CHD1: variants seen among roughly 807,000 people sequenced by gnomAD.
CHD1 encodes the protein chromodomain helicase DNA binding protein 1, also known as ATP-dependent chromatin remodeler CHD1.
Under a neutral mutation model 224.2 loss-of-function variants are expected in CHD1, and 36 were observed. That is an observed-to-expected ratio of 0.16 (90% CI 0.12 to 0.21). The LOEUF (loss-of-function observed/expected upper bound fraction) is 0.21. Ranked by LOEUF, CHD1 falls within the 10% of genes least tolerant of loss-of-function variation. CHD1 has a pLI of 1.00. For missense variants in CHD1, 1,378 were observed against 1,994.8 expected, an observed-to-expected ratio of 0.69 and a Z score of 5.89; for synonymous variants, 668 against 658.3, an observed-to-expected ratio of 1.01 and a Z score of -0.23.
chr5:98,861,702 C>T (rs904682595), intron 32 of CHD1, among the ~76,000 whole-genome samples: 1 of 150,472 alleles, frequency 6.6e-6, no homozygotes, highest in African/African-American at 2.5e-5. Context: ...TAGTAGACCA[C>T]CGTCTTAGCC....
chr5:98,887,662 A>C (rs1561512589), intron 17 of CHD1, among the ~76,000 whole-genome samples: 1 of 152,146 alleles, frequency 6.6e-6, no homozygotes, highest in Admixed American at 6.6e-5. Context: ...TTACTCAACA[A>C]ACCCTGTGTC....
intron 18 of CHD1, 47 bp downstream of exon 18, chr5:98,885,531 G>T: frequency 1.8e-6 from 2 of 1,117,434 alleles, no homozygotes; most frequent in South Asian, 1.4e-5. Flanking sequence ...GTAATATACT[G>T]ATACTAAATC....
At chr5:98,896,146 C>A (rs527533432) in intron 12 of CHD1, 80 bp downstream of exon 12, 3 of 1,212,462 alleles carry the variant, frequency 2.5e-6, no homozygotes, top group Non-Finnish European at 3.6e-6. Context: ...CAGAGTGAAA[C>A]CCCATCTCAA....
intron 30 of CHD1, chr5:98,869,113 TTTTTC>T (rs1749123584): frequency 4.3e-6 from 4 of 932,086 alleles, no homozygotes; most frequent in Non-Finnish European, 5.1e-6. Flanking sequence ...TCTTATCCTC[TTTTTC>T]TTTTATCTCC....
chr5:98,866,960 A>G (rs1748919046), intron 31 of CHD1, among the ~76,000 whole-genome samples: 1 of 152,140 alleles, frequency 6.6e-6, no homozygotes, highest in Non-Finnish European at 1.5e-5. Context: ...AACATCTACA[A>G]CAATCACTTA....
chr5:98,901,420 AC>A, intron 5 of CHD1, 85 bp from the exon 6 acceptor site: 1 of 1,070,736 alleles, frequency 9.3e-7, no homozygotes, highest in Non-Finnish European at 1.3e-6. Flanking sequence ...AATCAACCAA[AC>A]TATATTCGCT....
intron 23 of CHD1, among the ~76,000 whole-genome samples, chr5:98,876,893 TGCA>T (rs1246842072): frequency 1.3e-5 from 2 of 152,164 alleles, no homozygotes; most frequent in Non-Finnish European, 2.9e-5. Context: ...TGTGGCTGAG[TGCA>T]GCAGCTCATG....
At chr5:98,926,630 G>A (rs937253816) in intron 1 of CHD1, 96 bp from the exon 2 acceptor site, 1 of 270,590 alleles carries the variant, frequency 3.7e-6, no homozygotes. Context: ...AGGCCAATTA[G>A]ACTACAGCTG....
At chr5:98,857,336 A>G (rs963156925) in intron 35 of CHD1, among the ~76,000 whole-genome samples, 1 of 152,052 alleles carries the variant, frequency 6.6e-6, no homozygotes, top group African/African-American at 2.4e-5. Flanking sequence ...TTCCAAACTG[A>G]CACACACACA....
intron 9 of CHD1, 100 bp downstream of exon 9, chr5:98,898,564 G>A (rs907872514): frequency 3.2e-5 from 38 of 1,191,028 alleles, no homozygotes; most frequent in Non-Finnish European, 4.2e-5. Flanking sequence ...TTTAGTAAGA[G>A]CAAGCTACTG....
chr5:98,914,841 G>A (rs1752637510), intron 2 of CHD1, among the ~76,000 whole-genome samples: 1 of 152,018 alleles, frequency 6.6e-6, no homozygotes, highest in South Asian at 2.1e-4. Flanking sequence ...CTTTGCTCAT[G>A]TTACTAATAA....
Position 98,869,873 on chromosome 5 carries a change from T to G in CHD1, c.3988A>C (p.Lys1330Gln). 3 of 1,597,026 alleles carry G rather than the reference T, an allele frequency of 1.9e-6. No homozygotes were observed. The highest frequency in any genetic ancestry group is 2.6e-6 in the Non-Finnish European group (3 of 1,168,544). ...TTCTTAGCTCTTGCTTTTCTCCTCTTTGAACTTCCCTAAAAATCATTATTT... is the reference window on the plus strand; with the variant it reads ...TTCTTAGCTCTTGCTTTTCTCCTCTGTGAACTTCCCTAAAAATCATTATTT... ...KEALSGAGSS[K>Q]RRKARAKKNK... The change falls in exon 30 of 36, where the codon AAG becomes CAG. Residue 1330 changes from lysine (K) to glutamine (Q), a missense_variant. Physicochemically the swap from Lys to Gln is moderately conservative, Grantham distance 53. Around this residue, in one of 16 missense-constraint regions of CHD1, gnomAD observed 105 missense variants for 93.4 expected, o/e 1.12. Transcript: ENST00000614616.
At chr5:98,925,159 C>G (rs916942514) in intron 2 of CHD1, among the ~76,000 whole-genome samples, 12 of 152,098 alleles carry the variant, frequency 7.9e-5, no homozygotes, top group African/African-American at 1.4e-4. Context: ...CTGTGTTACA[C>G]AAAACATGCT....
At chr5:98,897,374 C>T in intron 10 of CHD1, 54 bp from the exon 11 acceptor site, 1 of 1,272,124 alleles carries the variant, frequency 7.9e-7, no homozygotes, top group East Asian at 2.5e-5. Context: ...AGAAATTATA[C>T]TAAAAGATGA....
intron 12 of CHD1, among the ~76,000 whole-genome samples, chr5:98,895,003 T>A (rs1157344626): frequency 6.6e-6 from 1 of 152,078 alleles, no homozygotes; most frequent in Non-Finnish European, 1.5e-5. Context: ...GTATTTTTAG[T>A]AGAGACAGGG....
intron 2 of CHD1, among the ~76,000 whole-genome samples, chr5:98,917,982 C>T (rs755381094): frequency 3.9e-5 from 6 of 152,180 alleles, no homozygotes; most frequent in Non-Finnish European, 8.8e-5. Flanking sequence ...GTGGGGAATA[C>T]AGTCCCCATT....
In CHD1 at chr5:98,860,031, C is replaced by A; in HGVS notation, c.4465G>T (p.Asp1489Tyr). 1 of 1,566,542 alleles carries A rather than the reference C, an allele frequency of 6.4e-7. No individual in the cohort carries two copies. Among genetic ancestry groups the A allele is most frequent in the South Asian group, 1.2e-5 (1 of 85,436 alleles). ...TATAATTTATGTAATTTTCTTGCAT[C>A]AAATTCAGTAAACTTAGATACAAAA... ...WIFVSKFTEF[D>Y]ARKLHKLYKH... is the part of the protein sequence containing the mutation. Residue 1489 changes from aspartate to tyrosine, a missense_variant, in exon 33 of 36, where the codon GAT becomes TAT. Coordinates refer to ENST00000614616, the MANE Select transcript of CHD1 (RefSeq NM_001270.4).
Position 98,869,598 on chromosome 5 carries a change from A to C in CHD1, c.4107+156T>G. On this transcript the variant is annotated intron_variant, in intron 30 of 35. Coordinates refer to ENST00000614616, the MANE Select transcript of CHD1 (RefSeq NM_001270.4). ...TCTATAATTGAGACTGTTATGAACT[A>C]TAAGTGCGTGCGCACGTGCGCGCGC... 6 of 723,864 alleles carry C rather than the reference A, an allele frequency of 8.3e-6. No homozygotes were observed. The South Asian group carries it at 1.1e-4, about 14-fold the overall frequency. The allele number at this position is 723,864 out of a possible 1,614,324, so 44.8% of individuals were successfully genotyped here. A position where few individuals can be genotyped will look rare whatever the true frequency, so the allele number is the denominator to read the frequency against.
chr5:98,875,178 G>T, intron 24 of CHD1, 65 bp from the exon 25 acceptor site: 2 of 850,322 alleles, frequency 2.4e-6, no homozygotes, highest in Non-Finnish European at 3.8e-6. Flanking sequence ...ACGTATTTCT[G>T]ATATTTACAG....
Sources: gnomAD v4.1 joint callset for allele counts (sites outside exome capture counted in the v4.1 genomes callset) on GRCh38, gnomAD v4.1.1 for gene constraint, gnomAD v4.1.1 regional missense constraint, MANE v1.5 for transcripts, NCBI Gene and HGNC (gene_info 2026-07-23, HGNC 2026-07-21) for gene names.